VGLL3: variants seen among roughly 807,000 people sequenced by gnomAD.
VGLL3 encodes vestigial like family member 3, also known as transcription cofactor vestigial-like protein 3.
Under a neutral mutation model 29.2 loss-of-function variants are expected in VGLL3, and 18 were observed. The ratio of observed to expected loss-of-function variants is 0.62; its 90% CI spans 0.43 to 0.91. The LOEUF (loss-of-function observed/expected upper bound fraction) is 0.91. VGLL3 is among the 40% of genes least tolerant of loss of function. VGLL3 has a pLI of 0.00. For synonymous variants in VGLL3, 180 were observed against 151.8 expected, an observed-to-expected ratio of 1.19 and a Z score of -1.36; for missense variants, 440 against 413.2, an observed-to-expected ratio of 1.06 and a Z score of -0.56.
Position 86,978,700 on chromosome 3 carries a change from G to A in VGLL3, c.229C>T (p.Gln77Ter). The A allele has an allele frequency of 6.2e-7, 1 of 1,613,958 alleles. No individual in the cohort carries two copies. Among genetic ancestry groups the A allele is most frequent in the Admixed American group, 1.7e-5 (1 of 59,978 alleles). The change falls in exon 2 of 4, where the codon CAG becomes TAG. Residue 77 changes from glutamine to a stop codon, truncating the protein, a stop_gained. Coordinates refer to ENST00000398399, the MANE Select transcript of VGLL3 (RefSeq NM_016206.4). LOFTEE classifies it high-confidence loss of function. ...TTAAGGTACTCCATCTCGGCAGGCT[G>A]GTCTTTCTCCTCCTCCTCCTCCTCC... ...DEEEEEEEKD[Q>*]PAEMEYLNSR...
intron 2 of VGLL3, among the ~76,000 whole-genome samples, chr3:86,969,873 C>T (rs1705056021): frequency 6.6e-6 from 1 of 151,880 alleles, no homozygotes. Flanking sequence ...TGTTATTATT[C>T]CCATGATGAG....
chr3:86,962,766 C>T (rs575549517), intron 3 of VGLL3: 34 of 488,978 alleles, frequency 7.0e-5, no homozygotes, highest in South Asian at 2.6e-4. Context: ...ACCTGTAATC[C>T]CAGCACCTTG....
intron 3 of VGLL3, chr3:86,962,432 C>T (rs1704872088): frequency 1.0e-6 from 1 of 985,402 alleles, no homozygotes; most frequent in Non-Finnish European, 1.2e-6. Context: ...CACCACCACT[C>T]AGCCCTTCGG....
chr3:86,963,492 G>C (rs1295717986), intron 3 of VGLL3, among the ~76,000 whole-genome samples: 1 of 152,152 alleles, frequency 6.6e-6, no homozygotes, highest in Non-Finnish European at 1.5e-5. Flanking sequence ...GTGATGGAAT[G>C]TTCTCTAATT....
At chr3:86,973,369 T>G (rs1189871998) in intron 2 of VGLL3, among the ~76,000 whole-genome samples, 1 of 152,200 alleles carries the variant, frequency 6.6e-6, no homozygotes, top group Non-Finnish European at 1.5e-5. Context: ...TTCTACTCAA[T>G]TCTTAAGCTA....
At position 86,968,776 on chromosome 3, in the gene VGLL3, C is replaced by A. The variant is rs1370096304; in HGVS notation, c.751G>T (p.Ala251Ser). 16 of 1,613,960 alleles carry A rather than the reference C, an allele frequency of 9.9e-6. No individual in the cohort carries two copies. Among genetic ancestry groups the A allele is most frequent in the South Asian group, 9.9e-5 (9 of 91,076 alleles). Residue 251 changes from alanine (A) to serine (S), a missense_variant, in exon 3 of 4, where the codon GCT (alanine) becomes TCT (serine). Coordinates refer to ENST00000398399, the MANE Select transcript of VGLL3 (RefSeq NM_016206.4). ...RHHHHHHHPP[A>S]GSALDPSYGP... ...TAGGATGGATCCAGGGCAGAGCCAG[C>A]AGGAGGGTGGTGATGGTGATGATGG... is the stretch of plus-strand genomic sequence containing the variant.
In VGLL3 at chr3:86,985,562, T is replaced by C. The variant is rs771153363; in HGVS notation, c.126+5056A>G. ...TGGTATCCACTGAACTATCAGTAAA[T>C]ATGGATTTATGAGTTGTTCTAGCAG... On this transcript the variant is annotated intron_variant, in intron 1 of 3. Coordinates refer to ENST00000398399, the MANE Select transcript of VGLL3 (RefSeq NM_016206.4). Among the ~76,000 whole-genome samples, 4 of 152,092 alleles carry C rather than the reference T, an allele frequency of 2.6e-5. 1 individual carries two copies. In the South Asian group the frequency reaches 6.2e-4, roughly 24 times the overall value.
intron 3 of VGLL3, among the ~76,000 whole-genome samples, chr3:86,966,664 T>C (rs1485807037): frequency 2.7e-5 from 4 of 150,734 alleles, no homozygotes; most frequent in African/African-American, 9.8e-5. Context: ...CACATAACAA[T>C]GTAATTTAAG....
chr3:86,970,515 A>G (rs1311709513), intron 2 of VGLL3, among the ~76,000 whole-genome samples: 1 of 151,488 alleles, frequency 6.6e-6, no homozygotes, highest in African/African-American at 2.4e-5. Context: ...ACACACACAC[A>G]CACACATATG....
At chr3:86,963,517 T>C (rs540402021) in intron 3 of VGLL3, among the ~76,000 whole-genome samples, 128 of 152,214 alleles carry the variant, frequency 8.4e-4, no homozygotes, top group Non-Finnish European at 3.1e-4. Context: ...GGTTGCACAA[T>C]ATTGTGAATA....
At chr3:86,976,107 T>C (rs1044805057) in intron 2 of VGLL3, among the ~76,000 whole-genome samples, 4 of 151,660 alleles carry the variant, frequency 2.6e-5, no homozygotes, top group African/African-American at 9.7e-5. Flanking sequence ...AGAGCGAAAC[T>C]CCATCTCAAA....
chr3:86,966,771 GTGTATATATATATA>G lies in VGLL3; in HGVS notation c.937+1805_937+1818del, dbSNP rs1261255351. ...AAGAACTTAAAGTAATAGTGTGTGTGTGTATATATATATATATATATATATATATATATATATAT... is the reference window on the plus strand; with the variant it reads ...AAGAACTTAAAGTAATAGTGTGTGTGTATATATATATATATATATATATAT... On this transcript the variant is annotated intron_variant, in intron 3 of 3. Coordinates refer to ENST00000398399, the MANE Select transcript of VGLL3 (RefSeq NM_016206.4). 3.0e-3 allele frequency among the ~76,000 whole-genome samples: 212 copies of G among 69,538 alleles called. 4 individuals carry two copies. Among genetic ancestry groups the G allele is most frequent in the South Asian group, 7.9e-3 (12 of 1,528 alleles). 45.6% of individuals were successfully genotyped at this position (69,538 alleles called of 152,430 possible). A position where few individuals can be genotyped will look rare whatever the true frequency, so the allele number is the denominator to read the frequency against.
chr3:86,969,906 C>G (rs1437835484), intron 2 of VGLL3, among the ~76,000 whole-genome samples: 3 of 152,012 alleles, frequency 2.0e-5, no homozygotes, highest in South Asian at 4.2e-4. Context: ...GAGAAGAAGC[C>G]TAAGGCTTAA....
rs1439968603 is a variant in VGLL3 at position 86,938,305 on chromosome 3, T to C, written c.*8719A>G. Reference sequence around the variant, plus strand: ...AAAAATGATAACACTGGACAGATTTTTCATGTAGCCATTTTCTTTTGGAAA... The same window carrying C: ...AAAAATGATAACACTGGACAGATTTCTCATGTAGCCATTTTCTTTTGGAAA... On this transcript the variant is annotated 3_prime_UTR_variant, in exon 4 of 4. Transcript: ENST00000398399. The C allele has an allele frequency of 6.6e-6, 1 of 152,378 alleles. No homozygotes were observed. Among genetic ancestry groups the C allele is most frequent in the Non-Finnish European group, 1.5e-5 (1 of 68,038 alleles). The allele number at this position is 152,378 out of a possible 1,614,324, so 9.4% of individuals were successfully genotyped here.
In VGLL3 at chr3:86,946,929, T is replaced by C; in HGVS notation, c.*95A>G. 2 of 752,016 alleles carry C rather than the reference T, an allele frequency of 2.7e-6. No homozygotes were observed. Among genetic ancestry groups the C allele is most frequent in the Non-Finnish European group, 2.5e-6 (1 of 403,430 alleles). The allele number at this position is 752,016 out of a possible 1,614,324, so 46.6% of individuals were successfully genotyped here. A position where few individuals can be genotyped will look rare whatever the true frequency, so the allele number is the denominator to read the frequency against. On this transcript the variant is annotated 3_prime_UTR_variant, in exon 4 of 4. Transcript: ENST00000398399. ...ACTTTGTCTTCTCCTTCTATGCCTT[T>C]CGTGTCCTATTGCTGAATGGAAAAA... is the stretch of plus-strand genomic sequence containing the variant.
chr3:86,974,220 C>T (rs921921289), intron 2 of VGLL3, among the ~76,000 whole-genome samples: 3 of 151,668 alleles, frequency 2.0e-5, no homozygotes, highest in Middle Eastern at 3.2e-3. Flanking sequence ...CGGGTTCAAG[C>T]GATTCTCCTG....
chr3:86,978,840 T>A (rs769407307), intron 1 of VGLL3, 38 bp from the exon 2 acceptor site: 2 of 1,523,034 alleles, frequency 1.3e-6, no homozygotes, highest in Non-Finnish European at 1.8e-6. Context: ...TCAAAGACAG[T>A]TTGTAGAAAA....
intron 2 of VGLL3, among the ~76,000 whole-genome samples, chr3:86,977,621 A>G (rs560747953): frequency 2.0e-5 from 3 of 152,322 alleles, no homozygotes; most frequent in African/African-American, 7.2e-5. Flanking sequence ...TAAAACACAG[A>G]TTGCCCCACC....
At chr3:86,981,979 T>C (rs1341538291) in intron 1 of VGLL3, among the ~76,000 whole-genome samples, 2 of 152,302 alleles carry the variant, frequency 1.3e-5, no homozygotes, top group East Asian at 3.9e-4. Flanking sequence ...TACTTGTTTT[T>C]AACATTAAGT....
Sources: allele counts gnomAD v4.1 joint callset (sites outside exome capture counted in the v4.1 genomes callset), GRCh38; gene constraint gnomAD v4.1.1; transcripts MANE v1.5; gene names NCBI Gene and HGNC (gene_info 2026-07-23, HGNC 2026-07-21).